The following KIF19 variants were observed in gnomAD, a reference collection of about 807,000 sequenced individuals.
The protein encoded by KIF19 is kinesin-like protein KIF19.
Under a neutral mutation model 106.6 loss-of-function variants are expected in KIF19, and 98 were observed. The observed-to-expected ratio is 0.92, with a 90% CI of 0.78 to 1.09. The LOEUF (loss-of-function observed/expected upper bound fraction) is 1.09, where lower values mean the gene tolerates loss of function less well. Ranked by LOEUF, KIF19 falls within the 50% of genes least tolerant of loss-of-function variation. The pLI is 0.00. For synonymous variants in KIF19, 516 were observed against 584.2 expected, an observed-to-expected ratio of 0.88 and a Z score of 1.68; for missense variants, 1,373 against 1,414.3, an observed-to-expected ratio of 0.97 and a Z score of 0.47.
Position 74,349,285 on chromosome 17 carries a change from T to C in KIF19, c.1149T>C (p.Asp383=). 1 of 1,613,018 alleles carries C rather than the reference T, an allele frequency of 6.2e-7. No individual in the cohort carries two copies. Among genetic ancestry groups the C allele is most frequent in the Non-Finnish European group, 8.5e-7 (1 of 1,179,662 alleles). The change falls in exon 10 of 20, where the codon GAT becomes GAC. Residue 383 remains aspartate (D), a synonymous_variant. Transcript: ENST00000389916. ...GEIQRLKRKI[D]EQTGRGQARG... ...TCCAGCGACTCAAGCGCAAGATTGA[T>C]GAGCAGACTGGGCGGGGCCAGGCCC...
At chr17:74,349,886 C>T (rs1238289643) in intron 10 of KIF19, among the ~76,000 whole-genome samples, 1 of 151,864 alleles carries the variant, frequency 6.6e-6, no homozygotes, top group Non-Finnish European at 1.5e-5. Flanking sequence ...GCAACCTCTG[C>T]CTCCCGGGTT....
intron 11 of KIF19, 44 bp from the exon 12 acceptor site, chr17:74,350,663 C>T: frequency 6.2e-7 from 1 of 1,611,748 alleles, no homozygotes; most frequent in Non-Finnish European, 8.5e-7. Flanking sequence ...GTGCCCTGCC[C>T]CCATGGCCTG....
chr17:74,354,200 G>T lies in KIF19; in HGVS notation c.2347G>T (p.Val783Leu). The change falls in exon 18 of 20, where the codon GTG (valine) becomes TTG (leucine). Residue 783 changes from valine (V) to leucine (L), a missense_variant. By Grantham distance (32) the Val-to-Leu change is conservative. Coordinates refer to ENST00000389916, the MANE Select transcript of KIF19 (RefSeq NM_153209.4). ...EILTGTKCIW[V>L]KAARRRSRAL... ...CCTGACTGGCACCAAGTGCATCTGG[G>T]TGAAGGCCGCCCGGCGGCGCTCGCG... The T allele has an allele frequency of 6.2e-7, 1 of 1,609,690 alleles. No homozygotes were observed. Among genetic ancestry groups the T allele is most frequent in the Admixed American group, 1.7e-5 (1 of 59,922 alleles).
intron 8 of KIF19, among the ~76,000 whole-genome samples, chr17:74,347,421 C>A (rs2054564042): frequency 6.6e-6 from 1 of 151,936 alleles, no homozygotes; most frequent in Admixed American, 6.6e-5. Flanking sequence ...CCTATAGTCC[C>A]AGCTACTCGA....
chr17:74,333,383 G>C (rs1441431226), intron 2 of KIF19, among the ~76,000 whole-genome samples: 5 of 47,048 alleles, frequency 1.1e-4, no homozygotes, highest in Non-Finnish European at 1.8e-4. Context: ...TTTTTTTTTT[G>C]AGACACAGTC....
In KIF19 at chr17:74,343,121, C is replaced by CAATG; in HGVS notation, c.419_422dup (p.Asp141GlufsTer2). On this transcript the variant is annotated frameshift_variant, in exon 5 of 20. Coordinates refer to ENST00000389916, the MANE Select transcript of KIF19 (RefSeq NM_153209.4). LOFTEE classifies it high-confidence loss of function. ...TCTTCCGTGCCATCGAGGAGACCAG[C>CAATG]AATGACATGGAGTATGAGGTCTCCA... 6.2e-7 allele frequency: 1 copy of CAATG among 1,613,204 alleles called. No individual in the cohort carries two copies. Among genetic ancestry groups the CAATG allele is most frequent in the Non-Finnish European group, 8.5e-7 (1 of 1,179,830 alleles).
intron 2 of KIF19, among the ~76,000 whole-genome samples, chr17:74,337,586 C>T (rs969112693): frequency 2.6e-5 from 4 of 152,206 alleles, no homozygotes; most frequent in Admixed American, 1.3e-4. Context: ...CTCTCCACTC[C>T]ACCTCTCTCA....
In KIF19 at chr17:74,354,359, A is replaced by C; in HGVS notation, c.2506A>C (p.Thr836Pro). The change falls in exon 18 of 20, where the codon ACA becomes CCA. Residue 836 changes from threonine to proline, a missense_variant. Physicochemically the swap from Thr to Pro is conservative, Grantham distance 38. Transcript: ENST00000389916. ...PLACKRPPSP[T>P]LQHAASEDNL... Reference sequence around the variant, plus strand: ...GGCCTGCAAGCGGCCGCCCAGCCCCACACTACAGCATGCTGCCAGTGAGGA... The same window carrying C: ...GGCCTGCAAGCGGCCGCCCAGCCCCCCACTACAGCATGCTGCCAGTGAGGA... 1 of 1,607,160 alleles carries C rather than the reference A, an allele frequency of 6.2e-7. No individual in the cohort carries two copies. The highest frequency in any genetic ancestry group is 8.5e-7 in the Non-Finnish European group (1 of 1,177,454).
intron 14 of KIF19, 60 bp downstream of exon 14, chr17:74,352,400 C>T (rs1488784063): frequency 3.2e-6 from 5 of 1,544,244 alleles, no homozygotes; most frequent in East Asian, 2.3e-5. Flanking sequence ...GGGCTGATGA[C>T]CAAGGCAATG....
chr17:74,351,490 A>T, intron 12 of KIF19: 1 of 187,348 alleles, frequency 5.3e-6, no homozygotes, highest in Non-Finnish European at 1.1e-5. Flanking sequence ...ATCCTGTCTC[A>T]AAAAAGAAAA....
chr17:74,351,049 C>T (rs2054688151), intron 12 of KIF19, 144 bp downstream of exon 12: 4 of 774,780 alleles, frequency 5.2e-6, no homozygotes, highest in Non-Finnish European at 8.7e-6. Flanking sequence ...TTGCTAAGCT[C>T]TTTAACTTCT....
At chr17:74,326,454 C>CA in intron 1 of KIF19, 66 bp downstream of exon 1, 1 of 1,509,878 alleles carries the variant, frequency 6.6e-7, no homozygotes, top group South Asian at 1.1e-5. Flanking sequence ...CCTCCAGCGA[C>CA]AGAGTCCTGT....
At chr17:74,327,161 C>T (rs1325765869) in intron 1 of KIF19, among the ~76,000 whole-genome samples, 1 of 152,186 alleles carries the variant, frequency 6.6e-6, no homozygotes, top group African/African-American at 2.4e-5. Flanking sequence ...TGGGGAAGGG[C>T]CCTCATCACC....
chr17:74,349,611 C>A (rs1014272046), intron 10 of KIF19, among the ~76,000 whole-genome samples: 1 of 152,234 alleles, frequency 6.6e-6, no homozygotes, highest in Non-Finnish European at 1.5e-5. Flanking sequence ...GGGAGAGGCA[C>A]GTGAGCAATG....
rs1363185465 is a variant in KIF19, at chr17:74,346,500, C to T, written c.900C>T (p.Asp300=). ...KGSNKYINYR[D]SKLTRLLKDS... The stretch of plus-strand genomic sequence containing the variant: ...GCAACAAGTACATCAACTATCGCGA[C>T]AGCAAGCTCACCCGGCTCCTGAAGG... Residue 300 remains aspartate, a synonymous_variant, in exon 8 of 20, where the codon GAC becomes GAT. Transcript: ENST00000389916. This position sits in a 1 kb window ranked among gnomAD's most constrained non-coding sequence, Gnocchi z 4.6. The T allele has an allele frequency of 1.3e-6, 2 of 1,551,264 alleles. No individual in the cohort carries two copies. Among genetic ancestry groups the T allele is most frequent in the Admixed American group, 2.0e-5 (1 of 51,016 alleles).
chr17:74,351,723 C>T (rs910644527), intron 12 of KIF19, 144 bp from the exon 13 acceptor site: 5 of 978,054 alleles, frequency 5.1e-6, no homozygotes, highest in African/African-American at 1.7e-5. Context: ...ATTGTAAGGC[C>T]CAAGATTCAG....
chr17:74,342,052 G>A (rs982188722), intron 3 of KIF19, 66 bp downstream of exon 3: 1 of 1,134,000 alleles, frequency 8.8e-7, no homozygotes, highest in African/African-American at 1.5e-5. Context: ...CACTCAGGAG[G>A]GGCCCTCCAG....
Position 74,351,960 on chromosome 17 carries a change from G to T in KIF19, c.1681G>T (p.Glu561Ter). ...PRRIGSEEQR[E>*]VLSLLCRVHE... is the part of the protein sequence containing the mutation. ...GCGCATCGGCTCCGAGGAGCAGCGC[G>T]AGGTGCTCAGCCTGCTGTGCCGCGT... The change falls in exon 13 of 20, where the codon GAG becomes TAG. Residue 561 changes from glutamate (E) to a stop codon, truncating the protein, a stop_gained. Transcript: ENST00000389916. LOFTEE classifies it high-confidence loss of function. 1 of 1,509,064 alleles carries T rather than the reference G, an allele frequency of 6.6e-7. No individual in the cohort carries two copies. Among genetic ancestry groups the T allele is most frequent in the Non-Finnish European group, 8.8e-7 (1 of 1,136,170 alleles). 93.5% of individuals were successfully genotyped at this position (1,509,064 alleles called of 1,614,324 possible).
rs778555921 is a variant in KIF19, at chr17:74,349,262, C to G, written c.1126C>G (p.Gln376Glu). 1 of 1,613,524 alleles carries G rather than the reference C, an allele frequency of 6.2e-7. No individual in the cohort carries two copies. The highest frequency in any genetic ancestry group is 8.5e-7 in the Non-Finnish European group (1 of 1,179,808). ...SIIADLRGEI[Q>E]RLKRKIDEQT... ...CATCGCTGACCTGCGGGGCGAGATC[C>G]AGCGACTCAAGCGCAAGATTGATGA... The change falls in exon 10 of 20, where the codon CAG (glutamine) becomes GAG (glutamate). Residue 376 changes from glutamine (Q) to glutamate (E), a missense_variant. Physicochemically the swap from Gln to Glu is conservative, Grantham distance 29. This residue lies in a region of KIF19 where 1,020 missense variants were observed against 1,008.2 expected (regional missense o/e 1.01). Coordinates refer to ENST00000389916, the MANE Select transcript of KIF19 (RefSeq NM_153209.4).
Sources: gnomAD v4.1 joint callset for allele counts (sites outside exome capture counted in the v4.1 genomes callset) on GRCh38, gnomAD v4.1.1 for gene constraint, gnomAD v4.1.1 regional missense constraint, Gnocchi (gnomAD v3.1) non-coding constraint, MANE v1.5 for transcripts, NCBI Gene and HGNC (gene_info 2026-07-23, HGNC 2026-07-21) for gene names.